The following TMC3 variants were observed in gnomAD, a reference collection of about 807,000 sequenced individuals.
The protein encoded by TMC3 is transmembrane channel-like protein 3.
TMC3 carries 98 observed loss-of-function variants against 110.6 expected under a neutral mutation model. That is an observed-to-expected ratio of 0.89 (90% confidence interval 0.75 to 1.05). The LOEUF is 1.05. TMC3 is among the 50% of genes least tolerant of loss of function. The pLI, the probability that TMC3 is intolerant of heterozygous loss-of-function variation, is 0.00. For synonymous variants in TMC3, 489 were observed against 513.1 expected, an observed-to-expected ratio of 0.95 and a Z score of 0.63; for missense variants, 1,319 against 1,373.2, an observed-to-expected ratio of 0.96 and a Z score of 0.62.
chr15:81,339,617 A>C (rs780145153), intron 16 of TMC3, 113 bp from the exon 17 acceptor site: 1 of 770,108 alleles, frequency 1.3e-6, no homozygotes, highest in Non-Finnish European at 2.2e-6. Context: ...TGCAAACTAA[A>C]AATCCTCCTC....
At chr15:81,346,531 A>T (rs1232243081) in intron 11 of TMC3, 88 bp from the exon 12 acceptor site, 2 of 1,304,582 alleles carry the variant, frequency 1.5e-6, no homozygotes, top group Non-Finnish European at 2.2e-6. Flanking sequence ...AAAGACTGTC[A>T]TGGATATATT....
intron 9 of TMC3, among the ~76,000 whole-genome samples, 186 bp downstream of exon 9, chr15:81,355,539 A>G (rs1894041123): frequency 6.6e-6 from 1 of 152,220 alleles, no homozygotes. Context: ...CTATGGAAGG[A>G]GGAAGTCGTC....
intron 17 of TMC3, 39 bp from the exon 18 acceptor site, chr15:81,338,819 C>T (rs770641291): frequency 1.9e-6 from 3 of 1,607,858 alleles, no homozygotes; most frequent in South Asian, 2.2e-5. Flanking sequence ...TTTTATTGCT[C>T]TTGGCAGAAA....
chr15:81,340,266 CTA>C (rs1478406383), intron 16 of TMC3, among the ~76,000 whole-genome samples: 1 of 151,818 alleles, frequency 6.6e-6, no homozygotes, highest in Non-Finnish European at 1.5e-5. Flanking sequence ...AAAGACTTGA[CTA>C]AAAGAGAACA....
intron 2 of TMC3, among the ~76,000 whole-genome samples, chr15:81,368,587 A>G (rs1025336261): frequency 1.3e-5 from 2 of 152,196 alleles, no homozygotes; most frequent in Admixed American, 1.3e-4. Context: ...ATTAGCTACA[A>G]CTGAATTTCT....
At chr15:81,337,966 G>C in intron 18 of TMC3, 42 bp from the exon 19 acceptor site, 1 of 1,475,666 alleles carries the variant, frequency 6.8e-7, no homozygotes, top group Non-Finnish European at 9.5e-7. Context: ...ACTGCAACTC[G>C]CTTTTCTGCT....
intron 10 of TMC3, among the ~76,000 whole-genome samples, chr15:81,351,180 C>T (rs965420936): frequency 1.3e-5 from 2 of 152,138 alleles, no homozygotes; most frequent in Non-Finnish European, 2.9e-5. Flanking sequence ...AACTCTTTCC[C>T]AAAGGAGATG....
At chr15:81,364,144 T>C (rs913979960) in intron 3 of TMC3, among the ~76,000 whole-genome samples, 4 of 126,822 alleles carry the variant, frequency 3.2e-5, no homozygotes, top group African/African-American at 7.6e-5. Context: ...AGGGCAACTT[T>C]TGTAGGTGGG....
At chr15:81,366,315 A>C (rs917335155) in intron 3 of TMC3, among the ~76,000 whole-genome samples, 1 of 152,224 alleles carries the variant, frequency 6.6e-6, no homozygotes, top group Non-Finnish European at 1.5e-5. Context: ...AGGAAAATGA[A>C]AAGTAAATGG....
In TMC3 at chr15:81,332,915, G is replaced by C; in HGVS notation, c.2807C>G (p.Pro936Arg). ...RQYASRVPRQ[P>R]PSPQLSEEEE... Reference sequence around the variant, plus strand: ...TTCTTCACTCAGCTGTGGGGAGGGAGGCTGGCGGGGGACCCGGGATGCATA... The same window carrying C: ...TTCTTCACTCAGCTGTGGGGAGGGACGCTGGCGGGGGACCCGGGATGCATA... The change falls in exon 22 of 22, where the codon CCT becomes CGT. Residue 936 changes from proline (P) to arginine (R), a missense_variant. By Grantham distance (103) the Pro-to-Arg change is moderately radical. Coordinates refer to ENST00000359440, the MANE Select transcript of TMC3 (RefSeq NM_001080532.3). The C allele has an allele frequency of 6.2e-7, 1 of 1,613,024 alleles. No homozygotes were observed. The highest frequency in any genetic ancestry group is 1.1e-5 in the South Asian group (1 of 91,070).
chr15:81,343,797 C>G (rs1204710212), intron 14 of TMC3, 120 bp downstream of exon 14: 1 of 1,129,542 alleles, frequency 8.9e-7, no homozygotes, highest in Non-Finnish European at 1.2e-6. Flanking sequence ...CATCTCTTCC[C>G]ACTTGTATTC....
At chr15:81,366,913 T>G (rs914689053) in intron 3 of TMC3, among the ~76,000 whole-genome samples, 4 of 152,210 alleles carry the variant, frequency 2.6e-5, no homozygotes, top group Non-Finnish European at 5.9e-5. Flanking sequence ...TATCTGTCAG[T>G]TATTGTCTCT....
chr15:81,349,594 A>G, intron 10 of TMC3, 27 bp from the exon 11 acceptor site: 1 of 1,361,706 alleles, frequency 7.3e-7, no homozygotes, highest in Non-Finnish European at 9.6e-7. Flanking sequence ...TGCCAGAGCC[A>G]GACATTCCCA....
intron 4 of TMC3, among the ~76,000 whole-genome samples, chr15:81,361,225 C>T (rs939905539): frequency 1.3e-5 from 2 of 151,892 alleles, no homozygotes; most frequent in Admixed American, 6.6e-5. Flanking sequence ...CTTTTTCCTC[C>T]TTCACTTTTA....
At chr15:81,354,249 G>A (rs1033317183) in intron 9 of TMC3, among the ~76,000 whole-genome samples, 4 of 151,998 alleles carry the variant, frequency 2.6e-5, no homozygotes, top group African/African-American at 7.2e-5. Context: ...AGTGATCTCA[G>A]AAAGCAGGAG....
chr15:81,336,721 G>A, intron 19 of TMC3, 70 bp from the exon 20 acceptor site: 1 of 1,506,164 alleles, frequency 6.6e-7, no homozygotes, highest in African/African-American at 1.4e-5. Context: ...TATTCCTGGG[G>A]GAAGAGAAAA....
At chr15:81,360,563 G>A (rs183300087) in intron 4 of TMC3, among the ~76,000 whole-genome samples, 220 of 152,286 alleles carry the variant, frequency 1.4e-3, no homozygotes, top group African/African-American at 5.1e-3. Flanking sequence ...TTTGGCTACA[G>A]GTGATTCGTT....
In TMC3 at chr15:81,349,539, A is replaced by G. The variant is rs755723456; in HGVS notation, c.1112T>C (p.Met371Thr). ...GAGGTCAAAGGCTGATGGTGCTATC[A>G]TGGTGACGAGGGAGACCACCACACT... Reference protein sequence around the residue: ...EVSVVVSLVTMIAPSAFDLIA... With the variant: ...EVSVVVSLVTTIAPSAFDLIA... Residue 371 changes from methionine to threonine, a missense_variant, in exon 11 of 22, where the codon ATG becomes ACG. Transcript: ENST00000359440. 24 of 1,556,334 alleles carry G rather than the reference A, an allele frequency of 1.5e-5. No individual in the cohort carries two copies. The South Asian group carries it at 2.7e-4, about 17-fold the overall frequency.
chr15:81,357,002 A>G (rs1465015814), intron 7 of TMC3, among the ~76,000 whole-genome samples: 1 of 152,114 alleles, frequency 6.6e-6, no homozygotes, highest in Non-Finnish European at 1.5e-5. Context: ...GACTCCACGT[A>G]ACGTGCTGAG....
Sources: allele counts gnomAD v4.1 joint callset (sites outside exome capture counted in the v4.1 genomes callset), GRCh38; gene constraint gnomAD v4.1.1; transcripts MANE v1.5; gene names NCBI Gene and HGNC (gene_info 2026-07-23, HGNC 2026-07-21).